The following MCCC1 variants were observed in gnomAD, a reference collection of about 807,000 sequenced individuals.
MCCC1 encodes methylcrotonyl-CoA carboxylase subunit 1, also known as methylcrotonoyl-CoA carboxylase subunit alpha, mitochondrial.
In MCCC1, 64 loss-of-function variants were observed where a neutral mutation model predicts 83.8. The ratio of observed to expected loss-of-function variants is 0.76; its 90% CI spans 0.62 to 0.94. MCCC1 has a LOEUF of 0.94. Ranked by LOEUF, MCCC1 falls within the 40% of genes least tolerant of loss-of-function variation. MCCC1 has a pLI of 0.00. For missense variants in MCCC1, 807 were observed against 904.7 expected, an observed-to-expected ratio of 0.89 and a Z score of 1.39; for synonymous variants, 322 against 315.4, an observed-to-expected ratio of 1.02 and a Z score of -0.22.
At chr3:183,091,250 C>G (rs1718307902) in intron 3 of MCCC1, among the ~76,000 whole-genome samples, 1 of 152,100 alleles carries the variant, frequency 6.6e-6, no homozygotes, top group Admixed American at 6.6e-5. Flanking sequence ...GTCACCTATG[C>G]TTGGAGTTAT....
At chr3:183,057,162 A>G (rs1053740439) in intron 8 of MCCC1, 149 bp downstream of exon 8, 1 of 689,156 alleles carries the variant, frequency 1.5e-6, no homozygotes, top group Non-Finnish European at 2.6e-6. Context: ...ATACCACAGG[A>G]GGTCTTTTCA....
At chr3:183,081,335 C>A (rs556168406) in intron 4 of MCCC1, among the ~76,000 whole-genome samples, 1 of 152,164 alleles carries the variant, frequency 6.6e-6, no homozygotes, top group Non-Finnish European at 1.5e-5. Context: ...TACTAACATG[C>A]CTTTATTAGT....
At chr3:183,033,663 A>G (rs1025308834) in intron 14 of MCCC1, among the ~76,000 whole-genome samples, 5 of 152,200 alleles carry the variant, frequency 3.3e-5, no homozygotes, top group African/African-American at 1.2e-4. Flanking sequence ...AAAAAAGTAC[A>G]AAGAATTGGG....
upstream of MCCC1, among the ~76,000 whole-genome samples, chr3:183,102,771 T>G (rs1295952555): frequency 3.4e-3 from 294 of 86,306 alleles, 8 homozygotes; most frequent in Non-Finnish European, 4.5e-3. Flanking sequence ...TTTTTTTTTT[T>G]TTTTTTTTTT....
intron 18 of MCCC1, among the ~76,000 whole-genome samples, chr3:183,016,643 G>A (rs530361598): frequency 2.6e-5 from 4 of 152,270 alleles, no homozygotes; most frequent in African/African-American, 7.2e-5. Flanking sequence ...CTTGACTTAC[G>A]ATGGGGTCAG....
At chr3:183,055,802 A>G (rs1465731558) in intron 8 of MCCC1, among the ~76,000 whole-genome samples, 2 of 151,912 alleles carry the variant, frequency 1.3e-5, no homozygotes, top group Non-Finnish European at 2.9e-5. Flanking sequence ...CTGGAGGCTG[A>G]GGTGAGGATT....
At chr3:183,041,061 AGT>A (rs1479504775) in intron 11 of MCCC1, among the ~76,000 whole-genome samples, 1 of 152,258 alleles carries the variant, frequency 6.6e-6, no homozygotes, top group East Asian at 1.9e-4. Flanking sequence ...CACCTAGAGC[AGT>A]GCCTGTAAGT....
intron 18 of MCCC1, among the ~76,000 whole-genome samples, chr3:183,015,847 A>T (rs1711569246): frequency 6.6e-6 from 1 of 151,850 alleles, no homozygotes. Flanking sequence ...GCAGTTCTCA[A>T]CTTGAGCTTC....
chr3:183,050,644 T>TGCA (rs1203012660), intron 9 of MCCC1, among the ~76,000 whole-genome samples: 1 of 136,264 alleles, frequency 7.3e-6, no homozygotes, highest in African/African-American at 2.8e-5. Context: ...AGGCGGAGGT[T>TGCA]GCAGTGAGCC....
intron 7 of MCCC1, among the ~76,000 whole-genome samples, chr3:183,067,275 G>A (rs1053397926): frequency 8.5e-5 from 13 of 152,162 alleles, no homozygotes; most frequent in Non-Finnish European, 1.8e-4. Flanking sequence ...ACCTCAAGAG[G>A]AGAAAAATTT....
intron 7 of MCCC1, among the ~76,000 whole-genome samples, chr3:183,057,877 A>G (rs989319306): frequency 6.6e-6 from 1 of 152,202 alleles, no homozygotes; most frequent in African/African-American, 2.4e-5. Context: ...CTGTCAAAAC[A>G]AAGAAACTAT....
intron 1 of MCCC1, among the ~76,000 whole-genome samples, chr3:183,111,637 A>C (rs954783249): frequency 6.6e-5 from 10 of 152,242 alleles, no homozygotes; most frequent in African/African-American, 1.9e-4. Flanking sequence ...TGATACATGC[A>C]TGTGAGTTAT....
intron 10 of MCCC1, among the ~76,000 whole-genome samples, chr3:183,043,064 C>T (rs1302032855): frequency 6.6e-6 from 1 of 152,054 alleles, no homozygotes; most frequent in African/African-American, 2.4e-5. Context: ...CCGAGGCAGG[C>T]GGATCACCTG....
chr3:183,053,877 A>AATT (rs1480067012), intron 8 of MCCC1, among the ~76,000 whole-genome samples: 1 of 138,562 alleles, frequency 7.2e-6, no homozygotes, highest in Non-Finnish European at 1.6e-5. Context: ...GCTATAAAGA[A>AATT]TTTTTTTTTT....
At chr3:183,067,879 C>G (rs922818447) in intron 7 of MCCC1, among the ~76,000 whole-genome samples, 2 of 152,092 alleles carry the variant, frequency 1.3e-5, no homozygotes, top group Admixed American at 6.5e-5. Context: ...ATAAGCTTAC[C>G]AAATTTTTTT....
chr3:183,101,654 G>T (rs536881935), upstream of MCCC1, among the ~76,000 whole-genome samples: 1 of 152,344 alleles, frequency 6.6e-6, no homozygotes, highest in East Asian at 1.9e-4. Flanking sequence ...GGTGGGGCCA[G>T]ATAAGAGAAT....
intron 1 of MCCC1, among the ~76,000 whole-genome samples, chr3:183,109,800 T>C (rs541581122): frequency 5.0e-4 from 76 of 152,332 alleles, no homozygotes; most frequent in African/African-American, 1.7e-3. Flanking sequence ...CATATGGTAG[T>C]TCTGTTTTAA....
At chr3:183,103,046 C>T (rs1719344072), upstream of MCCC1, among the ~76,000 whole-genome samples, 1 of 151,866 alleles carries the variant, frequency 6.6e-6, no homozygotes, top group Non-Finnish European at 1.5e-5. Context: ...CAGATCCTCG[C>T]GGTGAGTGTT....
At chr3:183,101,114 G>A (rs967454749), upstream of MCCC1, among the ~76,000 whole-genome samples, 52 of 152,374 alleles carry the variant, frequency 3.4e-4, no homozygotes, top group Non-Finnish European at 5.4e-4. Flanking sequence ...ATTTCTCGCC[G>A]GGCCTTGGCT....
Sources: allele counts gnomAD v4.1 joint callset (sites outside exome capture counted in the v4.1 genomes callset), GRCh38; gene constraint gnomAD v4.1.1; transcripts MANE v1.5; gene names NCBI Gene and HGNC (gene_info 2026-07-23, HGNC 2026-07-21).